The following AKAP8 variants were observed in gnomAD, a reference collection of about 807,000 sequenced individuals.
The protein encoded by AKAP8 is A-kinase anchoring protein 8.
In AKAP8, 24 loss-of-function variants were observed where a neutral mutation model predicts 67.5. The ratio of observed to expected loss-of-function variants is 0.36; its 90% CI spans 0.26 to 0.50. The LOEUF (loss-of-function observed/expected upper bound fraction) is 0.50. AKAP8 is among the 20% of genes least tolerant of loss of function. The pLI, the probability that AKAP8 is intolerant of heterozygous loss-of-function variation, is 0.97. For missense variants in AKAP8, 971 were observed against 955.9 expected (o/e 1.02, Z -0.21); for synonymous variants, 400 against 371.1 (o/e 1.08, Z -0.90).
At chr19:15,366,138 G>A (rs1217829961) in intron 9 of AKAP8, among the ~76,000 whole-genome samples, 32 of 73,976 alleles carry the variant, frequency 4.3e-4, no homozygotes, top group East Asian at 1.2e-3. Flanking sequence ...CATACAAGAT[G>A]AAAAAAAAGC....
Position 15,369,797 on chromosome 19 carries a change from T to C in AKAP8, c.1072+349A>G, listed in dbSNP as rs1455688469. 6.6e-6 allele frequency among the ~76,000 whole-genome samples: 1 copy of C among 152,168 alleles called. No individual in the cohort carries two copies. The highest frequency in any genetic ancestry group is 1.5e-5 in the Non-Finnish European group (1 of 68,022). On this transcript the variant is annotated intron_variant, in intron 8 of 13. Coordinates refer to ENST00000269701, the MANE Select transcript of AKAP8 (RefSeq NM_005858.4). This position sits in a 1 kb window ranked among gnomAD's most constrained non-coding sequence, Gnocchi z 4.6. ...CCCCAGAGAAAACACTTCAGGGAAA[T>C]GCACTGGCCGAGGAGGGCACAGAAG...
Position 15,371,963 on chromosome 19 carries a change from C to T in AKAP8, c.1027G>A (p.Glu343Lys), listed in dbSNP as rs1967165544. 1.9e-6 allele frequency: 3 copies of T among 1,614,092 alleles called. No individual in the cohort carries two copies. The highest frequency in any genetic ancestry group is 2.5e-6 in the Non-Finnish European group (3 of 1,180,010). Reference sequence around the variant, plus strand: ...CCTGGTGGACTTACACCCTTGAATTCTTCATCTCCTGAGCGGAAGTCACCA... The same window carrying T: ...CCTGGTGGACTTACACCCTTGAATTTTTCATCTCCTGAGCGGAAGTCACCA... ...AAGDFRSGDEEFKGEDELCDS... is the reference protein window; with the variant it reads ...AAGDFRSGDEKFKGEDELCDS... Residue 343 changes from glutamate to lysine, a missense_variant, in exon 7 of 14, where the codon GAA becomes AAA. Coordinates refer to ENST00000269701, the MANE Select transcript of AKAP8 (RefSeq NM_005858.4).
chr19:15,355,883 G>C (rs1353270841), intron 13 of AKAP8, among the ~76,000 whole-genome samples: 1 of 151,680 alleles, frequency 6.6e-6, no homozygotes, highest in African/African-American at 2.4e-5. Context: ...ATTACAGGCA[G>C]GAGCCACCAC....
intron 9 of AKAP8, among the ~76,000 whole-genome samples, chr19:15,362,911 A>T (rs1966996459): frequency 6.7e-6 from 1 of 150,340 alleles, no homozygotes; most frequent in East Asian, 2.0e-4. Context: ...CTAGGAAGTG[A>T]GGAGCGCCTC....
rs1967120835 is a variant in AKAP8 at position 15,369,544 on chromosome 19, G to C, written c.1072+602C>G. Among the ~76,000 whole-genome samples the C allele has an allele frequency of 6.6e-6, 1 of 152,228 alleles. No individual in the cohort carries two copies. The highest frequency in any genetic ancestry group is 2.4e-5 in the African/African-American group (1 of 41,458). ...GCCATGAGGGATTTAAGCCTGCTCTGCTGTTGCTGCAGACCCTCTGGTCTC... is the reference window on the plus strand; with the variant it reads ...GCCATGAGGGATTTAAGCCTGCTCTCCTGTTGCTGCAGACCCTCTGGTCTC... On this transcript the variant is annotated intron_variant, in intron 8 of 13. Transcript: ENST00000269701. The surrounding 1 kb of genome is among the most constrained non-coding windows in gnomAD (Gnocchi z 4.6).
intron 10 of AKAP8, 138 bp from the exon 11 acceptor site, chr19:15,361,960 G>T (rs1258750901): frequency 4.4e-6 from 6 of 1,356,924 alleles, no homozygotes; most frequent in Non-Finnish European, 6.0e-6. Flanking sequence ...GCTCCCGGTT[G>T]TCCCTGTGAC....
At position 15,355,301 on chromosome 19, in the gene AKAP8, C is replaced by A. The variant is rs1347298709; in HGVS notation, c.1693G>T (p.Asp565Tyr). 6.2e-7 allele frequency: 1 copy of A among 1,613,798 alleles called. No individual in the cohort carries two copies. Among genetic ancestry groups the A allele is most frequent in the Non-Finnish European group, 8.5e-7 (1 of 1,180,030 alleles). ...MEGDDNLGGE[D>Y]KKETPEEVAA... ...ACCTCCTCAGGTGTCTCTTTCTTAT[C>A]CTCACCTCCTAAATTGTCATCTCCT... The change falls in exon 14 of 14, where the codon GAT becomes TAT. Residue 565 changes from aspartate (D) to tyrosine (Y), a missense_variant. Physicochemically the swap from Asp to Tyr is radical, Grantham distance 160. Coordinates refer to ENST00000269701, the MANE Select transcript of AKAP8 (RefSeq NM_005858.4).
intron 9 of AKAP8, among the ~76,000 whole-genome samples, chr19:15,363,678 C>T (rs1438085313): frequency 9.9e-5 from 15 of 152,030 alleles, no homozygotes; most frequent in Non-Finnish European, 1.9e-4. Context: ...TCATTGAGAA[C>T]GGGCCATGAT....
In AKAP8 at chr19:15,373,231, C is replaced by T. The variant is rs774502753; in HGVS notation, c.481G>A (p.Asp161Asn). The stretch of plus-strand genomic sequence containing the variant: ...TGCCCCCCAAAGCTGCCATTGCGGT[C>T]GGACCCCAGGTCGAACTCATAGTCG... ...SYDYEFDLGS[D>N]RNGSFGGQYS... The change falls in exon 5 of 14, where the codon GAC (aspartate) becomes AAC (asparagine). Residue 161 changes from aspartate to asparagine, a missense_variant. Asp to Asn is a conservative substitution (Grantham distance 23). Coordinates refer to ENST00000269701, the MANE Select transcript of AKAP8 (RefSeq NM_005858.4). The T allele has an allele frequency of 2.3e-5, 37 of 1,613,852 alleles. No individual in the cohort carries two copies. Among genetic ancestry groups the T allele is most frequent in the South Asian group, 4.4e-5 (4 of 91,084 alleles).
intron 13 of AKAP8, among the ~76,000 whole-genome samples, chr19:15,357,579 G>A (rs1326440425): frequency 1.3e-5 from 2 of 151,548 alleles, no homozygotes; most frequent in African/African-American, 4.9e-5. Flanking sequence ...TCTTGGCTGG[G>A]TACCAAGAGA....
chr19:15,372,323 A>C lies in AKAP8; in HGVS notation c.886T>G (p.Phe296Val). ...TTCCTGCCCGTGCCATCTGGTCCGAAGCGGTCAAACCCTCTCCTCTTGGGC... is the reference window on the plus strand; with the variant it reads ...TTCCTGCCCGTGCCATCTGGTCCGACGCGGTCAAACCCTCTCCTCTTGGGC... ...DRPKRRGFDR[F>V]GPDGTGRKRK... The change falls in exon 6 of 14, where the codon TTC becomes GTC. Residue 296 changes from phenylalanine to valine, a missense_variant. Physicochemically the swap from Phe to Val is conservative, Grantham distance 50. Transcript: ENST00000269701. 1.9e-6 allele frequency: 3 copies of C among 1,614,166 alleles called. No homozygotes were observed. Among genetic ancestry groups the C allele is most frequent in the Non-Finnish European group, 2.5e-6 (3 of 1,180,046 alleles).
intron 2 of AKAP8, among the ~76,000 whole-genome samples, chr19:15,375,206 G>A (rs965362128): frequency 1.2e-4 from 18 of 152,172 alleles, no homozygotes; most frequent in African/African-American, 4.3e-4. Context: ...ACACGGGCTG[G>A]CAGAAAGGAG....
rs1011747136 is a variant in AKAP8 at position 15,354,503 on chromosome 19, C to G, written c.*412G>C. On this transcript the variant is annotated 3_prime_UTR_variant, in exon 14 of 14. Transcript: ENST00000269701. Reference sequence around the variant, plus strand: ...AGCTTGAAACATACAAAAAAAAATCCTCTATAGAGCAAGATATATTCCTAG... The same window carrying G: ...AGCTTGAAACATACAAAAAAAAATCGTCTATAGAGCAAGATATATTCCTAG... 2 of 183,292 alleles carry G rather than the reference C, an allele frequency of 1.1e-5. No individual in the cohort carries two copies. Among genetic ancestry groups the G allele is most frequent in the African/African-American group, 2.4e-5 (1 of 42,004 alleles). The allele number at this position is 183,292 out of a possible 1,614,324, so 11.4% of individuals were successfully genotyped here.
In AKAP8 at chr19:15,372,906, C is replaced by T. The variant is rs1967184785; in HGVS notation, c.806G>A (p.Ser269Asn). The T allele has an allele frequency of 6.6e-7, 1 of 1,517,408 alleles. No homozygotes were observed. The highest frequency in any genetic ancestry group is 1.3e-5 in the South Asian group (1 of 75,566). 94.0% of individuals were successfully genotyped at this position (1,517,408 alleles called of 1,614,324 possible). A position where few individuals can be genotyped will look rare whatever the true frequency, so the allele number is the denominator to read the frequency against. ...MGMQGAGGYD[S>N]TMPYGCGRSQ... ...GCGGCCACATCCGTAGGGCATGGTG[C>T]TGTCATAGCCGCCCGCCCCCTGCAT... Residue 269 changes from serine (S) to asparagine (N), a missense_variant, in exon 5 of 14, where the codon AGC becomes AAC. By Grantham distance (46) the Ser-to-Asn change is conservative. Transcript: ENST00000269701.
intron 13 of AKAP8, among the ~76,000 whole-genome samples, chr19:15,357,705 CCTCTT>C (rs1309645740): frequency 4.6e-5 from 7 of 150,780 alleles, no homozygotes; most frequent in East Asian, 1.9e-4. Flanking sequence ...ATGTTTCCTC[CCTCTT>C]TTTTTTTTTT....
chr19:15,359,184 G>A (rs565360023), intron 12 of AKAP8, 122 bp from the exon 13 acceptor site: 12 of 835,678 alleles, frequency 1.4e-5, no homozygotes, highest in Non-Finnish European at 1.9e-5. Flanking sequence ...ATCTCAAAAC[G>A]CCAGCCTCCA....
rs756373724 is a variant in AKAP8 at position 15,359,056 on chromosome 19, C to T, written c.1534G>A (p.Ala512Thr). The T allele has an allele frequency of 6.2e-7, 1 of 1,614,138 alleles. No homozygotes were observed. The highest frequency in any genetic ancestry group is 1.1e-5 in the South Asian group (1 of 91,078). ...AGACTGGTTTTCTTGAACTGTTCAGCAGCCAACTGCAAAGGGAACCAAATG... is the reference window on the plus strand; with the variant it reads ...AGACTGGTTTTCTTGAACTGTTCAGTAGCCAACTGCAAAGGGAACCAAATG... ...VDHNHNRRLAAEQFKKTSLHV... is the reference protein window; with the variant it reads ...VDHNHNRRLATEQFKKTSLHV... Residue 512 changes from alanine (A) to threonine (T), a missense_variant, in exon 13 of 14, where the codon GCT becomes ACT. Ala to Thr is a moderately conservative substitution (Grantham distance 58). Transcript: ENST00000269701.
intron 9 of AKAP8, among the ~76,000 whole-genome samples, chr19:15,363,507 C>A (rs993524384): frequency 7.0e-6 from 1 of 142,526 alleles, no homozygotes; most frequent in Admixed American, 6.8e-5. Context: ...CCCCGCCCGG[C>A]CAGCCGCACC....
chr19:15,373,048 T>C lies in AKAP8; in HGVS notation c.664A>G (p.Thr222Ala). The C allele has an allele frequency of 6.2e-7, 1 of 1,602,992 alleles. No homozygotes were observed. The highest frequency in any genetic ancestry group is 8.5e-7 in the Non-Finnish European group (1 of 1,173,488). Residue 222 changes from threonine to alanine, a missense_variant, in exon 5 of 14, where the codon ACG (threonine) becomes GCG (alanine). Physicochemically the swap from Thr to Ala is moderately conservative, Grantham distance 58. Around this residue, in one of 3 missense-constraint regions of AKAP8, gnomAD observed 763 missense variants for 745.4 expected, o/e 1.02. Transcript: ENST00000269701. ...PPAASSEPLS[T>A]PWNELNYVGG... ...ACGTAGTTCAGCTCGTTCCAGGGCG[T>C]GGACAGGGGCTCAGAGGACGCAGCG...
Sources: gnomAD v4.1 joint callset for allele counts (sites outside exome capture counted in the v4.1 genomes callset) on GRCh38, gnomAD v4.1.1 for gene constraint, gnomAD v4.1.1 regional missense constraint, Gnocchi (gnomAD v3.1) non-coding constraint, MANE v1.5 for transcripts, NCBI Gene and HGNC (gene_info 2026-07-23, HGNC 2026-07-21) for gene names.